Variants in SHROOM3 observed in about 807,000 individuals in gnomAD.
The protein encoded by SHROOM3 is protein Shroom3.
Under a neutral mutation model 138.6 loss-of-function variants are expected in SHROOM3, and 47 were observed. The observed-to-expected ratio is 0.34, with a 90% CI of 0.27 to 0.43. SHROOM3 has a LOEUF of 0.43. Among genes scored for constraint, SHROOM3 ranks in the 20% least tolerant of loss-of-function variants. SHROOM3 has a pLI of 1.00. For missense variants in SHROOM3, 2,491 were observed against 2,596.5 expected, an observed-to-expected ratio of 0.96 and a Z score of 0.88; for synonymous variants, 1,062 against 1,063.3, an observed-to-expected ratio of 1.00 and a Z score of 0.02.
intron 1 of SHROOM3, among the ~76,000 whole-genome samples, chr4:76,539,641 A>G (rs1196387465): frequency 1.3e-5 from 2 of 152,252 alleles, no homozygotes; most frequent in South Asian, 2.1e-4. Context: ...AATAGGTATT[A>G]TTAACTTTAT....
chr4:76,647,520 T>G (rs931493560), intron 2 of SHROOM3, among the ~76,000 whole-genome samples: 1 of 152,184 alleles, frequency 6.6e-6, no homozygotes, highest in Non-Finnish European at 1.5e-5. Flanking sequence ...AAATATCACA[T>G]GTATCCCATA....
At chr4:76,611,420 A>T (rs950362956) in intron 2 of SHROOM3, among the ~76,000 whole-genome samples, 2 of 151,906 alleles carry the variant, frequency 1.3e-5, no homozygotes, top group Non-Finnish European at 2.9e-5. Context: ...ATTTTTTTCT[A>T]AGAGCCATGG....
chr4:76,724,820 T>C (rs1036559249), intron 3 of SHROOM3, among the ~76,000 whole-genome samples: 1 of 152,246 alleles, frequency 6.6e-6, no homozygotes, highest in African/African-American at 2.4e-5. Context: ...TTAACTAGTC[T>C]GCTGCTAATG....
chr4:76,585,117 G>C (rs949513422), intron 2 of SHROOM3, among the ~76,000 whole-genome samples: 2 of 152,166 alleles, frequency 1.3e-5, no homozygotes, highest in Non-Finnish European at 2.9e-5. Context: ...ATACTTTGAG[G>C]ATGCTTCAGA....
chr4:76,620,890 C>G (rs1734990360), intron 2 of SHROOM3, among the ~76,000 whole-genome samples: 1 of 151,998 alleles, frequency 6.6e-6, no homozygotes, highest in Non-Finnish European at 1.5e-5. Flanking sequence ...GTCACTTCTA[C>G]CCAGAAGCAG....
chr4:76,734,252 T>G (rs1281897615), intron 4 of SHROOM3, among the ~76,000 whole-genome samples: 1 of 148,056 alleles, frequency 6.8e-6, no homozygotes, highest in Non-Finnish European at 1.5e-5. Context: ...AAAAAGTTTC[T>G]GAGATCAAGT....
Position 76,779,276 on chromosome 4 carries a change from T to A in SHROOM3, c.*99T>A. The A allele has an allele frequency of 2.0e-6, 3 of 1,467,798 alleles. No homozygotes were observed. The highest frequency in any genetic ancestry group is 2.7e-6 in the Non-Finnish European group (3 of 1,102,726). 90.9% of individuals were successfully genotyped at this position (1,467,798 alleles called of 1,614,324 possible). A position where few individuals can be genotyped will look rare whatever the true frequency, so the allele number is the denominator to read the frequency against. On this transcript the variant is annotated 3_prime_UTR_variant, in exon 11 of 11. Transcript: ENST00000296043. ...AAACCACTGTTTGAACTATCTGGGT[T>A]ATTGGTGTTTGTTCCTGATGAAAGG...
In SHROOM3 at chr4:76,741,753, G is replaced by A. The variant is rs1721264514; in HGVS notation, c.3580G>A (p.Gly1194Ser). The change falls in exon 5 of 11, where the codon GGT becomes AGT. Residue 1194 changes from glycine to serine, a missense_variant. Gly to Ser is a moderately conservative substitution (Grantham distance 56). Coordinates refer to ENST00000296043, the MANE Select transcript of SHROOM3 (RefSeq NM_020859.4). This position sits in a 1 kb window ranked among gnomAD's most constrained non-coding sequence, Gnocchi z 6.2. ...RRGDLLSGAN[G>S]GTRGTQRGDE... ...CGGGGACCTGCTTAGCGGAGCAAAC[G>A]GTGGAACAAGGGGCACCCAGAGAGG... 2 of 1,565,278 alleles carry A rather than the reference G, an allele frequency of 1.3e-6. No individual in the cohort carries two copies. Among genetic ancestry groups the A allele is most frequent in the Non-Finnish European group, 8.7e-7 (1 of 1,155,390 alleles).
At chr4:76,516,926 G>T (rs1251646197) in intron 1 of SHROOM3, among the ~76,000 whole-genome samples, 1 of 152,196 alleles carries the variant, frequency 6.6e-6, no homozygotes, top group Non-Finnish European at 1.5e-5. Context: ...AGATTTTAAT[G>T]ATGAGTTATT....
chr4:76,467,294 G>A (rs1343093684), intron 1 of SHROOM3, among the ~76,000 whole-genome samples: 1 of 152,062 alleles, frequency 6.6e-6, no homozygotes, highest in Non-Finnish European at 1.5e-5. Flanking sequence ...CCATCTGCCT[G>A]CCTCTGCTTC....
chr4:76,498,712 C>T (rs34685001), intron 1 of SHROOM3, among the ~76,000 whole-genome samples: 16,430 of 151,928 alleles, frequency 0.11, 993 homozygotes, highest in South Asian at 0.2. Flanking sequence ...TGCTGAATAA[C>T]GAGAGTAGCT....
intron 2 of SHROOM3, among the ~76,000 whole-genome samples, chr4:76,641,552 T>C: frequency 6.6e-6 from 1 of 152,196 alleles, no homozygotes; most frequent in South Asian, 2.1e-4. Flanking sequence ...GGAAGTAACA[T>C]TTGCATGTCA....
intron 2 of SHROOM3, among the ~76,000 whole-genome samples, chr4:76,593,814 G>C (rs1202966761): frequency 6.6e-6 from 1 of 152,146 alleles, no homozygotes; most frequent in Non-Finnish European, 1.5e-5. Context: ...GCAGTGGCTA[G>C]TGGAGTCATT....
intron 1 of SHROOM3, among the ~76,000 whole-genome samples, chr4:76,480,857 A>G (rs1731593760): frequency 6.6e-6 from 1 of 152,222 alleles, no homozygotes; most frequent in Non-Finnish European, 1.5e-5. Context: ...CTACATGGAA[A>G]CTGAACAACC....
chr4:76,469,076 C>T (rs1189300319), intron 1 of SHROOM3, among the ~76,000 whole-genome samples: 2 of 151,090 alleles, frequency 1.3e-5, no homozygotes, highest in African/African-American at 4.9e-5. Flanking sequence ...GTGGTGTACA[C>T]TTGTAATTCC....
intron 2 of SHROOM3, among the ~76,000 whole-genome samples, chr4:76,667,765 G>A (rs1718742867): frequency 6.6e-6 from 1 of 150,960 alleles, no homozygotes; most frequent in African/African-American, 2.4e-5. Flanking sequence ...TCAGGAGATC[G>A]AGACCTTCCT....
At chr4:76,551,852 A>T (rs1350430279) in intron 1 of SHROOM3, among the ~76,000 whole-genome samples, 1 of 151,680 alleles carries the variant, frequency 6.6e-6, no homozygotes, top group Non-Finnish European at 1.5e-5. Context: ...AATGGGAAAA[A>T]GAAGAATTAT....
chr4:76,617,585 T>C lies in SHROOM3; in HGVS notation c.323+61822T>C, dbSNP rs188852685. On this transcript the variant is annotated intron_variant, in intron 2 of 10. Coordinates refer to ENST00000296043, the MANE Select transcript of SHROOM3 (RefSeq NM_020859.4). ...TTTTTCAGGCTTCAACTTTGTAGAC[T>C]TATGCTAAGATGTATGACTACTTCA... Among the ~76,000 whole-genome samples, 903 of 152,346 alleles carry C rather than the reference T, an allele frequency of 5.9e-3. 5 individuals carry two copies. Among genetic ancestry groups the C allele is most frequent in the African/African-American group, 0.021 (859 of 41,594 alleles).
At chr4:76,651,191 A>G (rs1480416659) in intron 2 of SHROOM3, among the ~76,000 whole-genome samples, 1 of 151,922 alleles carries the variant, frequency 6.6e-6, no homozygotes, top group Admixed American at 6.6e-5. Flanking sequence ...AACAAAATGG[A>G]AAGAATAAAT....
Sources: gnomAD v4.1 joint callset for allele counts (sites outside exome capture counted in the v4.1 genomes callset) on GRCh38, gnomAD v4.1.1 for gene constraint, Gnocchi (gnomAD v3.1) non-coding constraint, MANE v1.5 for transcripts, NCBI Gene and HGNC (gene_info 2026-07-23, HGNC 2026-07-21) for gene names.